SERPINB7: variants seen among roughly 807,000 people sequenced by gnomAD.
SERPINB7 encodes the protein serpin family B member 7.
In SERPINB7, 31 loss-of-function variants were observed where a neutral mutation model predicts 37.4. The ratio of observed to expected loss-of-function variants is 0.83; its 90% CI spans 0.62 to 1.12. The LOEUF is 1.12. SERPINB7 is among the 50% of genes most tolerant of loss of function. The probability of loss-of-function intolerance (pLI) is 0.00; values close to 1 mark genes in which losing one functional copy is unlikely to be tolerated. For synonymous variants in SERPINB7, 163 were observed against 166.1 expected (o/e 0.98, Z 0.14); for missense variants, 521 against 455.3 (o/e 1.14, Z -1.31).
chr18:63,792,081 ACAAG>A (rs2049434961), intron 2 of SERPINB7, among the ~76,000 whole-genome samples: 1 of 152,238 alleles, frequency 6.6e-6, no homozygotes, highest in Non-Finnish European at 1.5e-5. Context: ...TGACTACCAG[ACAAG>A]CATGATTTAA....
rs1199002446 is a variant in SERPINB7, at chr18:63,804,627, T to C, written c.1135T>C (p.Cys379Arg). 8 of 1,605,226 alleles carry C rather than the reference T, an allele frequency of 5.0e-6. No homozygotes were observed. Among genetic ancestry groups the C allele is most frequent in the Non-Finnish European group, 6.8e-6 (8 of 1,175,234 alleles). ...CATCTTATTCAGTGGCAAAGTTTCT[T>C]GCCCTTGAAAATCCAATTGGTTTCT... The part of the protein sequence containing the change: ...DIILFSGKVS[C>R]P The change falls in exon 8 of 8, where the codon TGC becomes CGC. Residue 379 changes from cysteine (C) to arginine (R), a missense_variant. Coordinates refer to ENST00000398019, the MANE Select transcript of SERPINB7 (RefSeq NM_003784.4).
At chr18:63,769,552 G>A (rs956738054) in intron 1 of SERPINB7, among the ~76,000 whole-genome samples, 1 of 152,018 alleles carries the variant, frequency 6.6e-6, no homozygotes, top group South Asian at 2.1e-4. Context: ...GACATTTTGA[G>A]TATTATATAA....
rs767651868 is a variant in SERPINB7, at chr18:63,804,559, G to C, written c.1067G>C (p.Arg356Thr). The change falls in exon 8 of 8, where the codon AGA (arginine) becomes ACA (threonine). Residue 356 changes from arginine to threonine, a missense_variant. Coordinates refer to ENST00000398019, the MANE Select transcript of SERPINB7 (RefSeq NM_003784.4). ...CAACTCCCTCAGTCCACGCTGTTTA[G>C]AGCTGACCACCCATTCCTATTTGTT... ...EKQLPQSTLF[R>T]ADHPFLFVIR... The C allele has an allele frequency of 5.6e-6, 9 of 1,613,652 alleles. No homozygotes were observed. The South Asian group carries it at 7.7e-5, about 14-fold the overall frequency.
In SERPINB7 at chr18:63,783,220, G is replaced by GAA. The variant is rs1224407643; in HGVS notation, c.168+681_168+682insAA. On this transcript the variant is annotated intron_variant, in intron 2 of 7. Transcript: ENST00000398019. Reference sequence around the variant, plus strand: ...AGAGAGAGAGAGAGAGAGAGAGAGAGAGAGAGAGAGAGAGAAAGAAAGAAA... The same window carrying GAA: ...AGAGAGAGAGAGAGAGAGAGAGAGAGAAAGAGAGAGAGAGAGAAAGAAAGAAA... 5.5e-3 allele frequency among the ~76,000 whole-genome samples: 348 copies of GAA among 63,742 alleles called. 1 individual carries two copies. The highest frequency in any genetic ancestry group is 0.013 in the South Asian group (20 of 1,554). 41.8% of individuals were successfully genotyped at this position (63,742 alleles called of 152,430 possible).
At position 63,764,149 on chromosome 18, in the gene SERPINB7, A is replaced by T. The variant is rs145487713; in HGVS notation, c.-19+11029A>T. 3.3e-5 allele frequency among the ~76,000 whole-genome samples: 5 copies of T among 152,260 alleles called. No individual in the cohort carries two copies. In the East Asian group the frequency reaches 9.6e-4, roughly 29 times the overall value. ...CCCAAGAGTTGAATTCTTATAAGTGATTGTTAACCTGATAGGCTTGGATGA... is the reference window on the plus strand; with the variant it reads ...CCCAAGAGTTGAATTCTTATAAGTGTTTGTTAACCTGATAGGCTTGGATGA... On this transcript the variant is annotated intron_variant, in intron 1 of 7. Coordinates refer to the SERPINB7 transcript ENST00000336429.
intron 5 of SERPINB7, among the ~76,000 whole-genome samples, chr18:63,796,644 T>C (rs1266274208): frequency 6.6e-6 from 1 of 152,224 alleles, no homozygotes; most frequent in East Asian, 1.9e-4. Flanking sequence ...AGGACAAACA[T>C]ATTATTGTGA....
chr18:63,800,187 G>A (rs1353117989), intron 6 of SERPINB7, among the ~76,000 whole-genome samples: 2 of 151,838 alleles, frequency 1.3e-5, no homozygotes, highest in African/African-American at 4.8e-5. Flanking sequence ...CCAAGTAGCT[G>A]GGAGTACAGG....
chr18:63,779,246 A>G (rs772121762), intron 1 of SERPINB7, among the ~76,000 whole-genome samples: 2 of 152,136 alleles, frequency 1.3e-5, no homozygotes, highest in African/African-American at 2.4e-5. Flanking sequence ...GAAAGTATTT[A>G]TAGGGAAAGG....
At chr18:63,797,768 T>A (rs1169283313) in intron 5 of SERPINB7, among the ~76,000 whole-genome samples, 1 of 152,184 alleles carries the variant, frequency 6.6e-6, no homozygotes, top group East Asian at 1.9e-4. Flanking sequence ...TTATTTCCCA[T>A]CATCTTCAAA....
rs143561199 is a variant in SERPINB7 at position 63,786,210 on chromosome 18, G to GTATA, written c.168+3691_168+3694dup. Among the ~76,000 whole-genome samples, 305 of 64,318 alleles carry GTATA rather than the reference G, an allele frequency of 4.7e-3. 12 individuals carry two copies. The highest frequency in any genetic ancestry group is 0.011 in the African/African-American group (210 of 18,604). The allele number at this position is 64,318 out of a possible 152,430, so 42.2% of individuals were successfully genotyped here. A position where few individuals can be genotyped will look rare whatever the true frequency, so the allele number is the denominator to read the frequency against. ...ACACACACCAGCATGGCACATACGT[G>GTATA]TATATATATATATATATATATATAC... On this transcript the variant is annotated intron_variant, in intron 2 of 7. Transcript: ENST00000398019.
At chr18:63,761,848 T>C (rs1283838975) in intron 1 of SERPINB7, among the ~76,000 whole-genome samples, 1 of 152,208 alleles carries the variant, frequency 6.6e-6, no homozygotes, top group Non-Finnish European at 1.5e-5. Context: ...TTTTTTCTTT[T>C]TCTTCCCAAT....
chr18:63,803,429 G>C (rs1334375041), intron 7 of SERPINB7, among the ~76,000 whole-genome samples: 2 of 152,164 alleles, frequency 1.3e-5, no homozygotes, highest in Non-Finnish European at 2.9e-5. Context: ...AATTTAGGAA[G>C]AAATGTCCTT....
Position 63,793,252 on chromosome 18 carries a change from C to T in SERPINB7, c.311C>T (p.Ala104Val), listed in dbSNP as rs1161691899. ...CTCAGCATTGTGAATGGGCTTTTTGCTGAAAAAGTGTATGGCTTTCATAAG... is the reference window on the plus strand; with the variant it reads ...CTCAGCATTGTGAATGGGCTTTTTGTTGAAAAAGTGTATGGCTTTCATAAG... ...YDLSIVNGLF[A>V]EKVYGFHKDY... The change falls in exon 4 of 8, where the codon GCT becomes GTT. Residue 104 changes from alanine (A) to valine (V), a missense_variant. Ala to Val is a moderately conservative substitution (Grantham distance 64). Coordinates refer to ENST00000398019, the MANE Select transcript of SERPINB7 (RefSeq NM_003784.4). 2 of 1,597,334 alleles carry T rather than the reference C, an allele frequency of 1.3e-6. No homozygotes were observed. The highest frequency in any genetic ancestry group is 2.7e-5 in the African/African-American group (2 of 74,320).
At chr18:63,755,000 C>T (rs973635799) in intron 1 of SERPINB7, among the ~76,000 whole-genome samples, 2 of 149,200 alleles carry the variant, frequency 1.3e-5, no homozygotes, top group African/African-American at 4.9e-5. Flanking sequence ...CCCGGGTTCA[C>T]GCCATTCTCC....
At position 63,804,667 on chromosome 18, in the gene SERPINB7, C is replaced by T; in HGVS notation, c.*32C>T. The T allele has an allele frequency of 6.5e-7, 1 of 1,546,270 alleles. No homozygotes were observed. The highest frequency in any genetic ancestry group is 8.7e-7 in the Non-Finnish European group (1 of 1,147,436). ...AATTGGTTTCTGTTATAGCAGTCCC[C>T]ACAACATCAAAGAACCACCACAAGT... On this transcript the variant is annotated 3_prime_UTR_variant, in exon 8 of 8. Transcript: ENST00000398019.
rs192349737 is a variant in SERPINB7 at position 63,787,177 on chromosome 18, G to A, written c.168+4637G>A. On this transcript the variant is annotated intron_variant, in intron 2 of 7. Transcript: ENST00000398019. ...GTCACATATGGAATTTTCTACTTGC[G>A]TCATGTTGATGCTCAAAAATTTCAG... is the stretch of plus-strand genomic sequence containing the variant. Among the ~76,000 whole-genome samples the A allele has an allele frequency of 8.6e-4, 131 of 152,148 alleles. 1 individual carries two copies. Among genetic ancestry groups the A allele is most frequent in the Non-Finnish European group, 1.6e-3 (109 of 67,998 alleles).
At chr18:63,783,953 A>G (rs184408342) in intron 2 of SERPINB7, among the ~76,000 whole-genome samples, 6 of 152,278 alleles carry the variant, frequency 3.9e-5, no homozygotes, top group Admixed American at 3.3e-4. Context: ...CTAGAGAACA[A>G]CTACAGAGTC....
chr18:63,776,953 C>T (rs1427342602), intron 1 of SERPINB7, among the ~76,000 whole-genome samples: 1 of 152,052 alleles, frequency 6.6e-6, no homozygotes, highest in Admixed American at 6.6e-5. Context: ...TCTCTGATAG[C>T]ATATTCACCT....
At chr18:63,771,964 T>C (rs1367810901), upstream of SERPINB7, among the ~76,000 whole-genome samples, 1 of 152,018 alleles carries the variant, frequency 6.6e-6, no homozygotes, top group Non-Finnish European at 1.5e-5. Flanking sequence ...CTGCTTCTTT[T>C]TTTTTTTAAC....
Sources: allele counts gnomAD v4.1 joint callset (sites outside exome capture counted in the v4.1 genomes callset), GRCh38; gene constraint gnomAD v4.1.1; transcripts MANE v1.5; gene names NCBI Gene and HGNC (gene_info 2026-07-23, HGNC 2026-07-21).